Variants in TRIT1 observed in about 807,000 individuals in gnomAD.
The protein encoded by TRIT1 is tRNA isopentenyltransferase 1.
In TRIT1, 43 loss-of-function variants were observed where a neutral mutation model predicts 51.2. The ratio of observed to expected loss-of-function variants is 0.84; its 90% confidence interval spans 0.66 to 1.08. The LOEUF (loss-of-function observed/expected upper bound fraction) is 1.08, where lower values mean the gene tolerates loss of function less well. TRIT1 is among the 50% of genes least tolerant of loss of function. The pLI is 0.00. For missense variants in TRIT1, 528 were observed against 578.4 expected, an observed-to-expected ratio of 0.91 and a Z score of 0.89; for synonymous variants, 184 against 203.9, an observed-to-expected ratio of 0.90 and a Z score of 0.83.
In TRIT1 at chr1:39,847,262, C is replaced by A; in HGVS notation, c.964G>T (p.Ala322Ser). The change falls in exon 8 of 11, where the codon GCC becomes TCC. Residue 322 changes from alanine (A) to serine (S), a missense_variant. Physicochemically the swap from Ala to Ser is moderately conservative, Grantham distance 99. Transcript: ENST00000316891. ...EALKQVTKRY[A>S]RKQNRWVKNR... is the part of the protein sequence containing the mutation. ...TTAACCCATCGGTTTTGTTTCCGGG[C>A]ATATCTCTTAGTTACTTGTTTCAGA... The A allele has an allele frequency of 6.2e-7, 1 of 1,614,168 alleles. No individual in the cohort carries two copies.
At chr1:39,867,851 A>G (rs11584246) in intron 1 of TRIT1, among the ~76,000 whole-genome samples, 13,709 of 152,154 alleles carry the variant, frequency 0.09, 1,235 homozygotes, top group East Asian at 0.29. Context: ...ACTCTGGTAT[A>G]TTTGTTTGCT....
intron 1 of TRIT1, among the ~76,000 whole-genome samples, chr1:39,869,269 GT>G (rs2124659892): frequency 1.3e-5 from 2 of 152,302 alleles, no homozygotes; most frequent in East Asian, 3.9e-4. Flanking sequence ...CGCCTGACTG[GT>G]TTTCATATTT....
rs957933252 is a variant in TRIT1 at position 39,839,243 on chromosome 1, A to G, written c.*2501T>C. 2.6e-5 allele frequency among the ~76,000 whole-genome samples: 4 copies of G among 152,206 alleles called. No individual in the cohort carries two copies. Among genetic ancestry groups the G allele is most frequent in the South Asian group, 4.1e-4 (2 of 4,828 alleles). On this transcript the variant is annotated 3_prime_UTR_variant, in exon 11 of 11. Coordinates refer to ENST00000316891, the MANE Select transcript of TRIT1 (RefSeq NM_017646.6). ...CTATGGCCAGATGGTACAAAATGGC[A>G]TTCCTCATTCTCACTCCAGGCTGAG...
At chr1:39,863,461 T>TA (rs563722502) in intron 1 of TRIT1, among the ~76,000 whole-genome samples, 41 of 150,916 alleles carry the variant, frequency 2.7e-4, no homozygotes, top group Admixed American at 1.8e-3. Context: ...CCCTGTCTCT[T>TA]AAAAAAAAAG....
At chr1:39,847,002 G>C (rs886861172) in intron 8 of TRIT1, 1 of 513,740 alleles carries the variant, frequency 1.9e-6, no homozygotes, top group Admixed American at 3.5e-5. Context: ...TCTGTTCAAG[G>C]CAGAAGGCAG....
chr1:39,872,161 T>C (rs181231350), intron 1 of TRIT1, among the ~76,000 whole-genome samples: 1 of 147,116 alleles, frequency 6.8e-6, no homozygotes, highest in Admixed American at 7.0e-5. Context: ...TCTTCCCTCC[T>C]TGGCATCCCA....
Position 39,852,872 on chromosome 1 carries a change from T to C in TRIT1, c.419A>G (p.Gln140Arg). 6.2e-7 allele frequency: 1 copy of C among 1,614,132 alleles called. No homozygotes were observed. Among genetic ancestry groups the C allele is most frequent in the Non-Finnish European group, 8.5e-7 (1 of 1,179,990 alleles). ...LWKVLVNTKPQEMGTEKVIDR... is the reference protein window; with the variant it reads ...LWKVLVNTKPREMGTEKVIDR... ...AATCACTTTCTCAGTGCCCATCTCCTGGGGCTATTAAATGATGGTTTAGAA... is the reference window on the plus strand; with the variant it reads ...AATCACTTTCTCAGTGCCCATCTCCCGGGGCTATTAAATGATGGTTTAGAA... The change falls in exon 4 of 11, where the codon CAG (glutamine) becomes CGG (arginine). Residue 140 changes from glutamine to arginine, a missense_variant. Physicochemically the swap from Gln to Arg is conservative, Grantham distance 43 (BLOSUM62 1). Around this residue, in one of 3 missense-constraint regions of TRIT1, gnomAD observed 468 missense variants for 522.6 expected, o/e 0.90. Coordinates refer to ENST00000316891, the MANE Select transcript of TRIT1 (RefSeq NM_017646.6).
At chr1:39,866,069 G>A (rs945505453) in intron 1 of TRIT1, among the ~76,000 whole-genome samples, 4 of 133,160 alleles carry the variant, frequency 3.0e-5, no homozygotes, top group Non-Finnish European at 4.8e-5. Context: ...AAGAGGGAGA[G>A]AGGGAGGGAG....
intron 1 of TRIT1, among the ~76,000 whole-genome samples, chr1:39,873,019 T>C (rs1378764575): frequency 1.3e-5 from 2 of 152,214 alleles, no homozygotes; most frequent in Non-Finnish European, 2.9e-5. Context: ...ATTACTGTGG[T>C]GCTTTTAACA....
At chr1:39,873,822 G>C (rs777418296) in intron 1 of TRIT1, among the ~76,000 whole-genome samples, 2 of 151,994 alleles carry the variant, frequency 1.3e-5, no homozygotes, top group Non-Finnish European at 2.9e-5. Context: ...TCGGGAGTTC[G>C]AGACCAGCCT....
intron 5 of TRIT1, among the ~76,000 whole-genome samples, chr1:39,848,819 T>C (rs1296502988): frequency 1.3e-5 from 2 of 150,630 alleles, no homozygotes; most frequent in Non-Finnish European, 1.5e-5. Context: ...CGAGACTCTG[T>C]CTCAAACAAA....
At chr1:39,850,023 T>C in intron 5 of TRIT1, 96 bp downstream of exon 5, 2 of 1,355,408 alleles carry the variant, frequency 1.5e-6, no homozygotes, top group South Asian at 1.3e-5. Context: ...TTAGTGTTTA[T>C]TATGAGCCAC....
In TRIT1 at chr1:39,841,902, A is replaced by G; in HGVS notation, c.1246T>C (p.Ser416Pro). The G allele has an allele frequency of 6.2e-7, 1 of 1,612,246 alleles. No homozygotes were observed. The highest frequency in any genetic ancestry group is 8.5e-7 in the Non-Finnish European group (1 of 1,179,468). Residue 416 changes from serine to proline, a missense_variant, in exon 11 of 11, where the codon TCC (serine) becomes CCC (proline). By Grantham distance (74) the Ser-to-Pro change is moderately conservative. Transcript: ENST00000316891. ...GDREWAAHIK[S>P]KSHLNQLKKR... is the part of the protein sequence containing the mutation. ...TTCAGTTGGTTCAAGTGGGATTTGGATTTTATGTGCGCTGATAAGACAAAA... is the reference window on the plus strand; with the variant it reads ...TTCAGTTGGTTCAAGTGGGATTTGGGTTTTATGTGCGCTGATAAGACAAAA...
At chr1:39,866,018 AAAAG>A (rs869274110) in intron 1 of TRIT1, among the ~76,000 whole-genome samples, 1 of 142,702 alleles carries the variant, frequency 7.0e-6, no homozygotes, top group Non-Finnish European at 1.6e-5. Flanking sequence ...GAAGGAAAAG[AAAAG>A]AAAGAAAAGA....
chr1:39,853,930 A>C, intron 3 of TRIT1, 40 bp downstream of exon 3: 1 of 1,377,702 alleles, frequency 7.3e-7, no homozygotes, highest in South Asian at 1.2e-5. Flanking sequence ...AAGAAAGAGC[A>C]ATCCATTTCC....
chr1:39,873,176 C>T lies in TRIT1; in HGVS notation c.174+10142G>A, dbSNP rs553599698. ...ATGGAAATGGAAAAGAAAAATAACA[C>T]AAAAAGAGAAAAATCGTGACTTTTT... is the stretch of plus-strand genomic sequence containing the variant. On this transcript the variant is annotated intron_variant, in intron 1 of 10. Transcript: ENST00000316891. Among the ~76,000 whole-genome samples the T allele has an allele frequency of 2.6e-5, 4 of 152,178 alleles. No individual in the cohort carries two copies. In the South Asian group the frequency reaches 8.3e-4, roughly 32 times the overall value.
intron 1 of TRIT1, among the ~76,000 whole-genome samples, chr1:39,873,696 CTT>C (rs930911842): frequency 2.6e-5 from 4 of 152,120 alleles, no homozygotes; most frequent in Admixed American, 2.0e-4. Context: ...TACAGGAACT[CTT>C]GGTACTATCT....
chr1:39,872,025 A>G (rs887618345), intron 1 of TRIT1, among the ~76,000 whole-genome samples: 1 of 151,530 alleles, frequency 6.6e-6, no homozygotes, highest in Admixed American at 6.6e-5. Flanking sequence ...TGCTTGAGCC[A>G]GGAGAAATTG....
chr1:39,883,477 C>T lies in TRIT1; in HGVS notation c.15G>A (p.Ala5=), dbSNP rs201300325. Residue 5 remains alanine, a synonymous_variant, in exon 1 of 11, where the codon GCG becomes GCA. Coordinates refer to ENST00000316891, the MANE Select transcript of TRIT1 (RefSeq NM_017646.6). MASV[A]AARAVPVGSG... ...TGCCCACGGGAACTGCTCGTGCAGC[C>T]GCCACGGACGCCATCTTATGGCAGT... is the stretch of plus-strand genomic sequence containing the variant. 4 of 1,595,530 alleles carry T rather than the reference C, an allele frequency of 2.5e-6. No homozygotes were observed. The highest frequency in any genetic ancestry group is 2.3e-5 in the East Asian group (1 of 44,194).
Sources: allele counts gnomAD v4.1 joint callset (sites outside exome capture counted in the v4.1 genomes callset), GRCh38; gene constraint gnomAD v4.1.1; regional missense constraint gnomAD v4.1.1; transcripts MANE v1.5; gene names NCBI Gene and HGNC (gene_info 2026-07-23, HGNC 2026-07-21).